Variants in SIK3 observed in about 807,000 individuals in gnomAD.
SIK3 encodes serine/threonine-protein kinase SIK3.
In SIK3, 28 loss-of-function variants were observed where a neutral mutation model predicts 144.2. That is an observed-to-expected ratio of 0.19 (90% CI 0.14 to 0.27). The LOEUF is 0.27. SIK3 is among the 10% of genes least tolerant of loss of function. The pLI, the probability that SIK3 is intolerant of heterozygous loss-of-function variation, is 1.00. For missense variants in SIK3, 1,319 were observed against 1,776.0 expected (o/e 0.74, Z 4.62); for synonymous variants, 686 against 676.3 (o/e 1.01, Z -0.22).
intron 1 of SIK3, among the ~76,000 whole-genome samples, chr11:116,991,102 T>C (rs1257651717): frequency 1.3e-5 from 2 of 152,120 alleles, no homozygotes; most frequent in African/African-American, 4.8e-5. Flanking sequence ...AGAGAGCTGG[T>C]TAGTGGGAGA....
At chr11:116,975,312 G>C (rs1345372954) in intron 1 of SIK3, among the ~76,000 whole-genome samples, 1 of 150,746 alleles carries the variant, frequency 6.6e-6, no homozygotes, top group East Asian at 1.9e-4. Context: ...GAACATTTTT[G>C]TTCCGACTGA....
At chr11:116,915,871 T>C (rs945301212) in intron 4 of SIK3, among the ~76,000 whole-genome samples, 2 of 152,156 alleles carry the variant, frequency 1.3e-5, no homozygotes. Context: ...TAAAATACAA[T>C]GAAAAACTGT....
chr11:116,980,517 T>G (rs980795859), intron 1 of SIK3, among the ~76,000 whole-genome samples: 2 of 152,232 alleles, frequency 1.3e-5, no homozygotes, highest in African/African-American at 2.4e-5. Context: ...AAGTATAATT[T>G]CTACTGAATG....
intron 1 of SIK3, among the ~76,000 whole-genome samples, chr11:117,091,926 G>A (rs930131716): frequency 6.6e-6 from 1 of 151,952 alleles, no homozygotes; most frequent in Non-Finnish European, 1.5e-5. Context: ...GAGGCTACAG[G>A]TGCGCACCAC....
At chr11:116,997,757 A>T (rs1950717329) in intron 1 of SIK3, among the ~76,000 whole-genome samples, 1 of 152,268 alleles carries the variant, frequency 6.6e-6, no homozygotes, top group South Asian at 2.1e-4. Context: ...AGAAAATAGT[A>T]TACAATGAAT....
chr11:116,977,034 C>T (rs1949968627), intron 1 of SIK3, among the ~76,000 whole-genome samples: 1 of 151,984 alleles, frequency 6.6e-6, no homozygotes, highest in South Asian at 2.1e-4. Flanking sequence ...AAAAATCAAA[C>T]ATATAAAATA....
intron 3 of SIK3, among the ~76,000 whole-genome samples, chr11:116,933,236 G>A (rs1318152895): frequency 4.6e-5 from 7 of 151,224 alleles, no homozygotes; most frequent in Admixed American, 4.6e-4. Context: ...CACCTCCTGG[G>A]TTCAAGTGAT....
At position 116,900,692 on chromosome 11, in the gene SIK3, G is replaced by A. The variant is rs1250341580; in HGVS notation, c.617-3375C>T. Among the ~76,000 whole-genome samples the A allele has an allele frequency of 2.6e-5, 4 of 151,886 alleles. No homozygotes were observed. In the South Asian group the frequency reaches 6.2e-4, roughly 24 times the overall value. ...TTTTCCTTTCTTTTCCATCTTTAAA[G>A]TATCACTCATTTTCAAGGCCCAGTC... On this transcript the variant is annotated intron_variant, in intron 4 of 24. Transcript: ENST00000445177.
intron 4 of SIK3, among the ~76,000 whole-genome samples, chr11:116,925,859 C>T (rs1947245697): frequency 6.6e-6 from 1 of 152,126 alleles, no homozygotes; most frequent in Non-Finnish European, 1.5e-5. Flanking sequence ...ATAAAGAAAG[C>T]CTTTAATTCC....
chr11:116,936,816 A>G (rs1484575902), intron 3 of SIK3, among the ~76,000 whole-genome samples: 1 of 152,210 alleles, frequency 6.6e-6, no homozygotes. Context: ...ATTCATAAAC[A>G]TAGTTCACCT....
intron 1 of SIK3, among the ~76,000 whole-genome samples, chr11:117,014,848 G>C (rs1393733668): frequency 6.6e-6 from 1 of 152,166 alleles, no homozygotes; most frequent in African/African-American, 2.4e-5. Flanking sequence ...TGAATGGCTT[G>C]AGCCTAGGAG....
chr11:116,976,300 T>C (rs1280454414), intron 1 of SIK3, among the ~76,000 whole-genome samples: 1 of 152,196 alleles, frequency 6.6e-6, no homozygotes, highest in Non-Finnish European at 1.5e-5. Flanking sequence ...TCAGGAAGGT[T>C]TGCTCGTATG....
At chr11:116,876,808 C>T (rs1391408668) in intron 7 of SIK3, 116 bp downstream of exon 7, 3 of 793,546 alleles carry the variant, frequency 3.8e-6, no homozygotes, top group African/African-American at 1.7e-5. Context: ...TTTAGTGTTA[C>T]ATAATAGTTT....
Position 117,043,851 on chromosome 11 carries a change from T to G in SIK3, c.273+54292A>C, listed in dbSNP as rs1377116453. Among the ~76,000 whole-genome samples the G allele has an allele frequency of 2.0e-5, 3 of 152,372 alleles. No individual in the cohort carries two copies. In the East Asian group the frequency reaches 5.8e-4, roughly 29 times the overall value. ...AACAAAACACAGTATAAACGATGTT[T>G]TATTCACCTTTATGCCATTAACATT... On this transcript the variant is annotated intron_variant, in intron 1 of 24. Transcript: ENST00000445177.
rs1041658866 is a variant in SIK3, at chr11:116,843,410, T to A, written c.*2233A>T. 1.3e-5 allele frequency: 2 copies of A among 152,064 alleles called. No individual in the cohort carries two copies. The highest frequency in any genetic ancestry group is 1.9e-4 in the East Asian group (1 of 5,204). The allele number at this position is 152,064 out of a possible 1,614,324, so 9.4% of individuals were successfully genotyped here. A position where few individuals can be genotyped will look rare whatever the true frequency, so the allele number is the denominator to read the frequency against. ...AGGCAGGACAAAAGGTCTTAGCAAC[T>A]TGAGTCTGGAGATTTTTTTTTTAAT... is the stretch of plus-strand genomic sequence containing the variant. On this transcript the variant is annotated 3_prime_UTR_variant, in exon 25 of 25. Coordinates refer to ENST00000445177, the MANE Select transcript of SIK3 (RefSeq NM_001366686.3).
At chr11:116,938,101 AGGCTGAGGCAGGAG>A (rs1948017171) in intron 3 of SIK3, among the ~76,000 whole-genome samples, 2 of 150,540 alleles carry the variant, frequency 1.3e-5, no homozygotes, top group Non-Finnish European at 2.9e-5. Context: ...GCTACTCGGG[AGGCTGAGGCAGGAG>A]AATCACTTGA....
In SIK3 at chr11:116,927,301, A is replaced by G; in HGVS notation, c.534T>C (p.Phe178=). ...GATGAACAATGTTCCGACAGTGACA[A>G]AAATAGACAGCTGTGACGATCTGTT... ...KFKQIVTAVY[F]CHCRNIVHRD... Residue 178 remains phenylalanine (F), a synonymous_variant, in exon 4 of 25, where the codon TTT becomes TTC. Coordinates refer to ENST00000445177, the MANE Select transcript of SIK3 (RefSeq NM_001366686.3). 1 of 1,614,098 alleles carries G rather than the reference A, an allele frequency of 6.2e-7. No homozygotes were observed. Among genetic ancestry groups the G allele is most frequent in the Non-Finnish European group, 8.5e-7 (1 of 1,179,942 alleles).
intron 1 of SIK3, among the ~76,000 whole-genome samples, chr11:117,031,655 G>A (rs1485890903): frequency 6.8e-6 from 1 of 147,920 alleles, no homozygotes; most frequent in Non-Finnish European, 1.5e-5. Context: ...CAAGTAGCTG[G>A]GATTACTGGC....
intron 1 of SIK3, among the ~76,000 whole-genome samples, chr11:117,070,202 G>C (rs983996535): frequency 2.6e-5 from 4 of 152,174 alleles, no homozygotes; most frequent in African/African-American, 4.8e-5. Context: ...TGCAAATAGT[G>C]AATCAGTAAG....
Sources: allele counts gnomAD v4.1 joint callset (sites outside exome capture counted in the v4.1 genomes callset), GRCh38; gene constraint gnomAD v4.1.1; transcripts MANE v1.5; gene names NCBI Gene and HGNC (gene_info 2026-07-23, HGNC 2026-07-21).